The following ANK3 variants were observed in gnomAD, a reference collection of about 807,000 sequenced individuals.
ANK3 encodes ankyrin 3.
ANK3 carries 57 observed loss-of-function variants against 370.9 expected under a neutral mutation model. That is an observed-to-expected ratio of 0.15 (90% CI 0.12 to 0.19). The LOEUF (loss-of-function observed/expected upper bound fraction) is 0.19. Among genes scored for constraint, ANK3 ranks in the 10% least tolerant of loss-of-function variants. The probability of loss-of-function intolerance (pLI) is 1.00; values close to 1 mark genes in which losing one functional copy is unlikely to be tolerated. For missense variants in ANK3, 4,439 were observed against 5,302.1 expected (o/e 0.84, Z 5.06); for synonymous variants, 1,929 against 1,946.3 (o/e 0.99, Z 0.23).
intron 2 of ANK3, among the ~76,000 whole-genome samples, chr10:60,439,156 C>T (rs759481143): frequency 9.2e-5 from 14 of 152,152 alleles, no homozygotes; most frequent in Middle Eastern, 3.4e-3. Context: ...TATCTAGGAG[C>T]CTTTCAAGGT....
At chr10:60,256,430 A>T (rs577155246) in intron 7 of ANK3, among the ~76,000 whole-genome samples, 52 of 152,322 alleles carry the variant, frequency 3.4e-4, no homozygotes, top group African/African-American at 1.3e-3. Flanking sequence ...TGTTTTGCTC[A>T]TGCATGTGCT....
chr10:60,520,355 A>T (rs1282115179), intron 2 of ANK3, among the ~76,000 whole-genome samples: 1 of 152,130 alleles, frequency 6.6e-6, no homozygotes, highest in Non-Finnish European at 1.5e-5. Context: ...GACAATTCGC[A>T]TCCCAAACCT....
At chr10:60,552,004 CA>C (rs2133233761) in intron 2 of ANK3, among the ~76,000 whole-genome samples, 1 of 152,280 alleles carries the variant, frequency 6.6e-6, no homozygotes, top group South Asian at 2.1e-4. Flanking sequence ...ATTCCTTTCT[CA>C]AAGGATCTTT....
intron 26 of ANK3, among the ~76,000 whole-genome samples, chr10:60,112,090 AG>A (rs1487095108): frequency 6.6e-6 from 1 of 152,208 alleles, no homozygotes; most frequent in East Asian, 1.9e-4. Flanking sequence ...TTCAAGGTGA[AG>A]GGGAGATAAC....
At chr10:60,269,822 T>C (rs1304497624) in intron 5 of ANK3, among the ~76,000 whole-genome samples, 1 of 152,126 alleles carries the variant, frequency 6.6e-6, no homozygotes, top group African/African-American at 2.4e-5. Flanking sequence ...AAAACAATGA[T>C]TGCCTTTGCC....
chr10:60,695,820 C>A (rs1284505138), intron 1 of ANK3, among the ~76,000 whole-genome samples: 1 of 151,920 alleles, frequency 6.6e-6, no homozygotes, highest in Non-Finnish European at 1.5e-5. Flanking sequence ...AAATTGACAC[C>A]GTAACATCAC....
In ANK3 at chr10:60,710,678, C is replaced by A. The variant is rs111633563; in HGVS notation, c.57+22585G>T. Among the ~76,000 whole-genome samples, 135 of 152,136 alleles carry A rather than the reference C, an allele frequency of 8.9e-4. 1 individual carries two copies. Among genetic ancestry groups the A allele is most frequent in the Middle Eastern group, 6.8e-3 (2 of 294 alleles). On this transcript the variant is annotated intron_variant, in intron 1 of 43. Coordinates refer to the ANK3 transcript ENST00000373827. Reference sequence around the variant, plus strand: ...TTCAAGCCCATGTTGTTCAGGGTCACCTATATAATGGTTTATTACAAAGAA... The same window carrying A: ...TTCAAGCCCATGTTGTTCAGGGTCAACTATATAATGGTTTATTACAAAGAA...
chr10:60,476,671 G>C (rs540534932), intron 2 of ANK3, among the ~76,000 whole-genome samples: 1 of 152,012 alleles, frequency 6.6e-6, no homozygotes. Context: ...CAAAATTCTG[G>C]ATATAAATTG....
intron 2 of ANK3, among the ~76,000 whole-genome samples, chr10:60,434,124 C>T (rs75263098): frequency 0.027 from 4,087 of 152,294 alleles, 91 homozygotes; most frequent in Non-Finnish European, 0.037. Flanking sequence ...CTTGATTAAA[C>T]ATTCAAAACC....
chr10:60,397,212 A>AC (rs908670362), intron 2 of ANK3, among the ~76,000 whole-genome samples: 51 of 152,106 alleles, frequency 3.4e-4, no homozygotes, highest in South Asian at 6.3e-4. Flanking sequence ...AAAAAAAAAA[A>AC]AAAACTAAAC....
chr10:60,578,259 T>C (rs1293720547), intron 2 of ANK3, among the ~76,000 whole-genome samples: 6 of 152,216 alleles, frequency 3.9e-5, no homozygotes, highest in African/African-American at 1.2e-4. Flanking sequence ...CACATAGCTG[T>C]TAAATGCATG....
At chr10:60,119,897 A>C (rs757573500) in intron 25 of ANK3, among the ~76,000 whole-genome samples, 1 of 152,234 alleles carries the variant, frequency 6.6e-6, no homozygotes, top group Non-Finnish European at 1.5e-5. Context: ...TGCCCAAAGT[A>C]ATCAAAGGAT....
intron 2 of ANK3, among the ~76,000 whole-genome samples, chr10:60,455,494 T>C (rs1251874555): frequency 6.6e-6 from 1 of 152,190 alleles, no homozygotes; most frequent in Non-Finnish European, 1.5e-5. Flanking sequence ...CATTTTATAT[T>C]TCATTGCAGT....
chr10:60,619,224 T>C (rs554636066), intron 1 of ANK3, among the ~76,000 whole-genome samples: 3 of 152,168 alleles, frequency 2.0e-5, no homozygotes, highest in African/African-American at 7.2e-5. Context: ...GAGTCTATCT[T>C]GCTAAGACCT....
rs556014914 is a variant in ANK3, at chr10:60,722,384, T to C, written c.57+10879A>G. 8.4e-4 allele frequency among the ~76,000 whole-genome samples: 128 copies of C among 151,870 alleles called. 3 individuals carry two copies. The highest frequency in any genetic ancestry group is 9.0e-4 in the Non-Finnish European group (61 of 67,972). ...ATTTAACCCCAAGAGATGGAGACTGTAGTGAGCTATGATCGCACCACTGCA... is the reference window on the plus strand; with the variant it reads ...ATTTAACCCCAAGAGATGGAGACTGCAGTGAGCTATGATCGCACCACTGCA... On this transcript the variant is annotated intron_variant, in intron 1 of 43. Coordinates refer to the ANK3 transcript ENST00000373827.
At chr10:60,274,494 G>A (rs1006748548) in intron 4 of ANK3, among the ~76,000 whole-genome samples, 1 of 152,140 alleles carries the variant, frequency 6.6e-6, no homozygotes, top group South Asian at 2.1e-4. Flanking sequence ...GGTAGGACTT[G>A]TCCTGGATGG....
At chr10:60,113,880 G>A (rs772359194) in intron 26 of ANK3, among the ~76,000 whole-genome samples, 13 of 151,868 alleles carry the variant, frequency 8.6e-5, no homozygotes, top group Non-Finnish European at 1.3e-4. Context: ...AAAGTAAAAC[G>A]GAGAAAAATC....
At chr10:60,162,970 A>T (rs2095534722) in intron 23 of ANK3, among the ~76,000 whole-genome samples, 1 of 152,204 alleles carries the variant, frequency 6.6e-6, no homozygotes, top group Non-Finnish European at 1.5e-5. Flanking sequence ...TATAAAATAC[A>T]TTTTATAGGC....
chr10:60,551,509 A>C lies in ANK3; in HGVS notation c.96+63677T>G, dbSNP rs574059519. Among the ~76,000 whole-genome samples the C allele has an allele frequency of 2.1e-4, 32 of 152,316 alleles. 1 individual carries two copies. The South Asian group carries it at 6.6e-3, about 32-fold the overall frequency. ...TATGTACAAACAAACAATACTATTAAGTTTCTTATTTTAGTGATGAAAATA... is the reference window on the plus strand; with the variant it reads ...TATGTACAAACAAACAATACTATTACGTTTCTTATTTTAGTGATGAAAATA... On this transcript the variant is annotated intron_variant, in intron 2 of 43. Coordinates refer to the ANK3 transcript ENST00000373827.
Sources: gnomAD v4.1 joint callset for allele counts (sites outside exome capture counted in the v4.1 genomes callset) on GRCh38, gnomAD v4.1.1 for gene constraint, MANE v1.5 for transcripts, NCBI Gene and HGNC (gene_info 2026-07-23, HGNC 2026-07-21) for gene names.